ITPR2: variants seen among roughly 807,000 people sequenced by gnomAD.
ITPR2 encodes inositol 1,4,5-trisphosphate receptor type 2.
A neutral mutation model predicts 317.1 loss-of-function variants in ITPR2; 207 were observed. That is an observed-to-expected ratio of 0.65 (90% CI 0.58 to 0.73). The LOEUF (loss-of-function observed/expected upper bound fraction) is 0.73, where lower values mean the gene tolerates loss of function less well. ITPR2 is among the 30% of genes least tolerant of loss of function. The pLI, the probability that ITPR2 is intolerant of heterozygous loss-of-function variation, is 0.00. For missense variants in ITPR2, 2,613 were observed against 3,284.0 expected, an observed-to-expected ratio of 0.80 and a Z score of 4.99; for synonymous variants, 1,156 against 1,149.1, an observed-to-expected ratio of 1.01 and a Z score of -0.12.
chr12:26,807,207 G>GAT (rs35043487), intron 1 of ITPR2, among the ~76,000 whole-genome samples: 28,139 of 151,350 alleles, frequency 0.19, 3,021 homozygotes, highest in Non-Finnish European at 0.25. Flanking sequence ...CAAAAAAGAA[G>GAT]ATATATATAT....
intron 21 of ITPR2, among the ~76,000 whole-genome samples, chr12:26,635,529 G>A (rs1414294802): frequency 6.6e-6 from 1 of 152,134 alleles, no homozygotes; most frequent in Non-Finnish European, 1.5e-5. Context: ...TCATTTAATT[G>A]TTCTATGACT....
chr12:26,686,081 G>C (rs530260581), intron 11 of ITPR2, among the ~76,000 whole-genome samples: 1 of 152,086 alleles, frequency 6.6e-6, no homozygotes, highest in Non-Finnish European at 1.5e-5. Flanking sequence ...GGAATGTAAT[G>C]GATGTTCAAT....
In ITPR2 at chr12:26,599,958, G is replaced by A. The variant is rs1462477183; in HGVS notation, c.3801+29C>T. 3.2e-6 allele frequency: 5 copies of A among 1,542,598 alleles called. No individual in the cohort carries two copies. The Admixed American group carries it at 8.5e-5, about 26-fold the overall frequency. On this transcript the variant is annotated intron_variant, in intron 29 of 56. Coordinates refer to ENST00000381340, the MANE Select transcript of ITPR2 (RefSeq NM_002223.4). ...GACAAATTTGATGCACACTTTACTA[G>A]AAATACTAGAAGCCACTAAAATACT... is the stretch of plus-strand genomic sequence containing the variant.
rs189832393 is a variant in ITPR2, at chr12:26,369,744, C to T, written c.7857+17690G>A. ...CCCTTGGATCACATCTGAGTTTAGG[C>T]TAAGAGATGGGATGACTCAGCAGGA... On this transcript the variant is annotated intron_variant, in intron 55 of 56. Coordinates refer to ENST00000381340, the MANE Select transcript of ITPR2 (RefSeq NM_002223.4). Among the ~76,000 whole-genome samples, 181 of 152,216 alleles carry T rather than the reference C, an allele frequency of 1.2e-3. 2 individuals carry two copies. The highest frequency in any genetic ancestry group is 0.011 in the Admixed American group (169 of 15,282).
intron 2 of ITPR2, among the ~76,000 whole-genome samples, chr12:26,731,122 GAA>G (rs5797193): frequency 6.1e-4 from 92 of 151,508 alleles, no homozygotes; most frequent in African/African-American, 2.1e-3. Flanking sequence ...GGCAATGGTG[GAA>G]AAAAAAAATT....
intron 41 of ITPR2, among the ~76,000 whole-genome samples, chr12:26,485,431 A>C (rs935541353): frequency 1.3e-5 from 2 of 152,252 alleles, no homozygotes; most frequent in African/African-American, 4.8e-5. Context: ...GGGTTAGGAT[A>C]GGCCCATGGG....
Position 26,339,689 on chromosome 12 carries a change from G to A in ITPR2, c.8020-206C>T, listed in dbSNP as rs188981905. Among the ~76,000 whole-genome samples the A allele has an allele frequency of 5.9e-4, 90 of 152,268 alleles. 1 individual carries two copies. The highest frequency in any genetic ancestry group is 3.4e-3 in the Middle Eastern group (1 of 294). On this transcript the variant is annotated intron_variant, in intron 56 of 56. Transcript: ENST00000381340. ...AACCCCTCTGTGTGGTTAGGAAGCA[G>A]GAGCCATTTTAGAAAACAGATCTTG...
Position 26,483,882 on chromosome 12 carries a change from T to C in ITPR2, c.5828A>G (p.Gln1943Arg), listed in dbSNP as rs1345856077. ...NRELQNFLRNQNNKTNYNLVC... is the reference protein window; with the variant it reads ...NRELQNFLRNRNNKTNYNLVC... The stretch of plus-strand genomic sequence containing the variant: ...TAGGTTGTAATTTGTTTTGTTGTTT[T>C]GATTCCTCAAGAAGTTCTGAAGGCA... Residue 1943 changes from glutamine to arginine, a missense_variant, in exon 42 of 57, where the codon CAA becomes CGA. Physicochemically the swap from Gln to Arg is conservative, Grantham distance 43. Around this residue, in one of 9 missense-constraint regions of ITPR2, gnomAD observed 926 missense variants for 1,072.8 expected, o/e 0.86. Coordinates refer to ENST00000381340, the MANE Select transcript of ITPR2 (RefSeq NM_002223.4). 2.5e-6 allele frequency: 4 copies of C among 1,613,986 alleles called. No homozygotes were observed. In the African/African-American group the frequency reaches 5.3e-5, roughly 22 times the overall value.
intron 52 of ITPR2, chr12:26,406,608 T>C (rs1314590122): frequency 1.3e-5 from 2 of 152,102 alleles, no homozygotes; most frequent in Admixed American, 6.6e-5. Context: ...CTGTACCTTT[T>C]GTAACATGGA....
chr12:26,481,203 G>T lies in ITPR2; in HGVS notation c.6051C>A (p.Ile2017=). ...IATHESNGID[I]IIALILNDIN... is the part of the protein sequence containing the mutation. ...TGTCATTCAGAATCAAAGCAATGAT[G>T]ATATCAATCCCATTAGACTCATGTG... The change falls in exon 43 of 57, where the codon ATC becomes ATA. Residue 2017 remains isoleucine, a synonymous_variant. Transcript: ENST00000381340. 6.2e-7 allele frequency: 1 copy of T among 1,612,922 alleles called. No homozygotes were observed. Among genetic ancestry groups the T allele is most frequent in the Non-Finnish European group, 8.5e-7 (1 of 1,178,980 alleles).
intron 44 of ITPR2, 84 bp from the exon 45 acceptor site, chr12:26,475,502 G>T: frequency 6.9e-7 from 1 of 1,441,332 alleles, no homozygotes; most frequent in East Asian, 2.4e-5. Context: ...AAATTGGGCA[G>T]CTTCATAAGC....
intron 23 of ITPR2, among the ~76,000 whole-genome samples, chr12:26,626,308 T>C (rs745807485): frequency 1.3e-5 from 2 of 151,866 alleles, no homozygotes; most frequent in Non-Finnish European, 2.9e-5. Flanking sequence ...TTATTTCTCA[T>C]CTCCAAAGCG....
chr12:26,602,795 T>A (rs1236425583), intron 26 of ITPR2, 89 bp from the exon 27 acceptor site: 4 of 568,384 alleles, frequency 7.0e-6, no homozygotes, highest in Non-Finnish European at 1.1e-5. Context: ...ATATATTTTG[T>A]AATTATTTTG....
At chr12:26,557,058 G>A (rs2137019485) in intron 35 of ITPR2, among the ~76,000 whole-genome samples, 1 of 151,750 alleles carries the variant, frequency 6.6e-6, no homozygotes, top group East Asian at 1.9e-4. Flanking sequence ...CAGCCTGGGT[G>A]ACAGAGCCAA....
At chr12:26,624,798 A>G (rs1946583203) in intron 23 of ITPR2, among the ~76,000 whole-genome samples, 1 of 152,148 alleles carries the variant, frequency 6.6e-6, no homozygotes, top group African/African-American at 2.4e-5. Flanking sequence ...AAAACTAAAA[A>G]TTGAGCTACC....
chr12:26,340,020 G>A, intron 56 of ITPR2, 147 bp downstream of exon 56: 1 of 638,746 alleles, frequency 1.6e-6, no homozygotes, highest in Non-Finnish European at 2.4e-6. Flanking sequence ...GCTGGGATGT[G>A]GTTCTACAGT....
intron 43 of ITPR2, among the ~76,000 whole-genome samples, chr12:26,480,086 T>C (rs114594462): frequency 0.014 from 2,132 of 152,296 alleles, 52 homozygotes; most frequent in African/African-American, 0.048. Context: ...TAAATTTAAT[T>C]ATACATTCTT....
intron 13 of ITPR2, among the ~76,000 whole-genome samples, chr12:26,669,266 A>G (rs1432874017): frequency 1.3e-5 from 2 of 152,052 alleles, no homozygotes; most frequent in East Asian, 3.8e-4. Context: ...AACTATTAAA[A>G]GGCAAATAAT....
chr12:26,493,447 C>T (rs565977192), intron 39 of ITPR2, among the ~76,000 whole-genome samples: 17 of 152,228 alleles, frequency 1.1e-4, no homozygotes, highest in African/African-American at 3.4e-4. Flanking sequence ...AGCAGGCTAC[C>T]GAGCAGCAAA....
Sources: gnomAD v4.1 joint callset for allele counts (sites outside exome capture counted in the v4.1 genomes callset) on GRCh38, gnomAD v4.1.1 for gene constraint, gnomAD v4.1.1 regional missense constraint, MANE v1.5 for transcripts, NCBI Gene and HGNC (gene_info 2026-07-23, HGNC 2026-07-21) for gene names.